ERBB4: variants seen among roughly 807,000 people sequenced by gnomAD.
ERBB4 encodes the protein erb-b2 receptor tyrosine kinase 4, also known as receptor tyrosine-protein kinase erbB-4.
ERBB4 carries 42 observed loss-of-function variants against 158.0 expected under a neutral mutation model. The observed-to-expected ratio is 0.27, with a 90% CI of 0.21 to 0.34. The LOEUF is 0.34. ERBB4 is among the 10% of genes least tolerant of loss of function. The pLI is 1.00. For missense variants in ERBB4, 1,333 were observed against 1,624.1 expected, an observed-to-expected ratio of 0.82 and a Z score of 3.08; for synonymous variants, 583 against 558.7, an observed-to-expected ratio of 1.04 and a Z score of -0.61.
chr2:211,488,647 G>T (rs2065265406), intron 20 of ERBB4, among the ~76,000 whole-genome samples: 1 of 151,918 alleles, frequency 6.6e-6, no homozygotes, highest in African/African-American at 2.4e-5. Flanking sequence ...CTTTTTAAAA[G>T]ATACACTGAA....
intron 20 of ERBB4, among the ~76,000 whole-genome samples, chr2:211,498,937 A>C (rs547464476): frequency 1.1e-4 from 16 of 152,274 alleles, no homozygotes; most frequent in African/African-American, 3.6e-4. Flanking sequence ...CCTCAGGGAC[A>C]CAGATGAGGA....
intron 1 of ERBB4, among the ~76,000 whole-genome samples, chr2:212,424,278 G>T (rs939798135): frequency 7.2e-5 from 11 of 152,092 alleles, no homozygotes; most frequent in African/African-American, 2.6e-4. Context: ...TGTACTGAAT[G>T]CCTACCTACT....
chr2:212,107,675 C>T (rs1361288717), intron 2 of ERBB4, among the ~76,000 whole-genome samples: 1 of 152,112 alleles, frequency 6.6e-6, no homozygotes, highest in Non-Finnish European at 1.5e-5. Context: ...TGTGTCCCCA[C>T]CCAAATCTCA....
At chr2:211,478,983 A>C (rs2065022302) in intron 20 of ERBB4, among the ~76,000 whole-genome samples, 1 of 152,050 alleles carries the variant, frequency 6.6e-6, no homozygotes, top group African/African-American at 2.4e-5. Context: ...CTTATCCTTC[A>C]ATCAGTCACA....
intron 1 of ERBB4, among the ~76,000 whole-genome samples, chr2:212,188,936 TA>T (rs1559693853): frequency 6.6e-6 from 1 of 152,112 alleles, no homozygotes; most frequent in Non-Finnish European, 1.5e-5. Flanking sequence ...CATTAAGAGC[TA>T]AAAATATATA....
chr2:211,532,189 A>T (rs1559266772), intron 20 of ERBB4, among the ~76,000 whole-genome samples: 1 of 152,034 alleles, frequency 6.6e-6, no homozygotes, highest in Non-Finnish European at 1.5e-5. Context: ...GGTACAAAAA[A>T]ATAGATAGAA....
chr2:211,592,836 C>A (rs543359877), intron 19 of ERBB4, among the ~76,000 whole-genome samples: 1 of 152,136 alleles, frequency 6.6e-6, no homozygotes, highest in East Asian at 1.9e-4. Context: ...ATAGTCAAAC[C>A]CTGTCTCTAC....
rs141661576 is a variant in ERBB4, at chr2:211,578,299, A to G, written c.2302-16211T>C. Among the ~76,000 whole-genome samples the G allele has an allele frequency of 1.6e-3, 245 of 152,344 alleles. No homozygotes were observed. In the East Asian group the frequency reaches 0.025, roughly 15 times the overall value. ...CTACAAACCACTGCTCAAGGAAATC[A>G]GAGAGGACACAAACAAGTGGAAACA... On this transcript the variant is annotated intron_variant, in intron 19 of 27. Transcript: ENST00000342788.
chr2:212,244,338 T>C (rs1320585990), intron 1 of ERBB4, among the ~76,000 whole-genome samples: 1 of 152,142 alleles, frequency 6.6e-6, no homozygotes, highest in Non-Finnish European at 1.5e-5. Flanking sequence ...TTAGTTTTAC[T>C]CTAGAATTTG....
At chr2:211,826,107 T>A (rs1307166675) in intron 3 of ERBB4, among the ~76,000 whole-genome samples, 1 of 151,490 alleles carries the variant, frequency 6.6e-6, no homozygotes, top group Non-Finnish European at 1.5e-5. Flanking sequence ...GAAAACAGAC[T>A]GAAATATAAT....
chr2:211,806,437 G>C (rs565498864), intron 3 of ERBB4, among the ~76,000 whole-genome samples: 1 of 152,134 alleles, frequency 6.6e-6, no homozygotes, highest in South Asian at 2.1e-4. Flanking sequence ...TGATATTCAA[G>C]AACCCAGTAA....
intron 20 of ERBB4, among the ~76,000 whole-genome samples, chr2:211,432,362 G>A (rs2063762626): frequency 6.6e-6 from 1 of 152,112 alleles, no homozygotes; most frequent in South Asian, 2.1e-4. Context: ...AGCATCATGA[G>A]CCAAACCCCA....
chr2:211,785,666 T>C (rs1412689916), intron 4 of ERBB4, among the ~76,000 whole-genome samples: 2 of 152,138 alleles, frequency 1.3e-5, no homozygotes, highest in East Asian at 3.9e-4. Context: ...CACCATTTGT[T>C]GAAGAGACTT....
chr2:211,483,000 A>C (rs548024535), intron 20 of ERBB4, among the ~76,000 whole-genome samples: 5 of 152,284 alleles, frequency 3.3e-5, no homozygotes, highest in African/African-American at 1.2e-4. Context: ...TAAAACAATT[A>C]CTATAATTAT....
chr2:211,584,350 A>G (rs1477458172), intron 19 of ERBB4, among the ~76,000 whole-genome samples: 1 of 152,004 alleles, frequency 6.6e-6, no homozygotes, highest in African/African-American at 2.4e-5. Flanking sequence ...TCATTTGTAC[A>G]TTTGAAGATA....
chr2:211,420,736 A>G, intron 24 of ERBB4, 125 bp from the exon 25 acceptor site: 1 of 878,076 alleles, frequency 1.1e-6, no homozygotes, highest in East Asian at 2.6e-5. Flanking sequence ...CATTTTAAAA[A>G]AACAAGTCTT....
Position 212,538,784 on chromosome 2 carries a change from G to A in ERBB4, c.-254C>T, listed in dbSNP as rs1693257932. 10 of 368,628 alleles carry A rather than the reference G, an allele frequency of 2.7e-5. No homozygotes were observed. The East Asian group carries it at 3.8e-4, about 14-fold the overall frequency. 22.8% of individuals were successfully genotyped at this position (368,628 alleles called of 1,614,324 possible). ...GGAGTGTGCTCGGTGTGTGCGCTTG[G>A]CGCTCTGGGCCGGACTGTGCAGCTA... is the stretch of plus-strand genomic sequence containing the variant. On this transcript the variant is annotated 5_prime_UTR_variant, in exon 1 of 28. Transcript: ENST00000342788.
chr2:212,365,829 G>C (rs1446390704), intron 1 of ERBB4, among the ~76,000 whole-genome samples: 2 of 151,742 alleles, frequency 1.3e-5, no homozygotes, highest in African/African-American at 2.4e-5. Context: ...ACAAATAACT[G>C]TAAGTACATA....
At chr2:212,347,000 G>T (rs994175293) in intron 1 of ERBB4, among the ~76,000 whole-genome samples, 1 of 152,066 alleles carries the variant, frequency 6.6e-6, no homozygotes, top group Non-Finnish European at 1.5e-5. Context: ...GAATTAGCTT[G>T]TCTTTGGAGT....
Sources: gnomAD v4.1 joint callset for allele counts (sites outside exome capture counted in the v4.1 genomes callset) on GRCh38, gnomAD v4.1.1 for gene constraint, MANE v1.5 for transcripts, NCBI Gene and HGNC (gene_info 2026-07-23, HGNC 2026-07-21) for gene names.